The following KLHL1 variants were observed in gnomAD, a reference collection of about 807,000 sequenced individuals.
The protein encoded by KLHL1 is kelch like family member 1, also known as kelch-like protein 1.
In KLHL1, 47 loss-of-function variants were observed where a neutral mutation model predicts 77.7. The observed-to-expected ratio is 0.60, with a 90% CI of 0.48 to 0.77. The LOEUF is 0.77. Among genes scored for constraint, KLHL1 ranks in the 30% least tolerant of loss-of-function variants. The probability of loss-of-function intolerance (pLI) is 0.00; values close to 1 mark genes in which losing one functional copy is unlikely to be tolerated. For missense variants in KLHL1, 925 were observed against 910.8 expected, an observed-to-expected ratio of 1.02 and a Z score of -0.20; for synonymous variants, 360 against 325.2, an observed-to-expected ratio of 1.11 and a Z score of -1.15.
intron 4 of KLHL1, among the ~76,000 whole-genome samples, chr13:69,939,127 C>G (rs1175770969): frequency 1.3e-5 from 2 of 150,638 alleles, no homozygotes; most frequent in East Asian, 3.9e-4. Context: ...TGCCAGGCAC[C>G]CATGCTATTA....
chr13:69,813,503 C>CACACACACACACACACAT (rs34163072), intron 6 of KLHL1, among the ~76,000 whole-genome samples: 11 of 148,838 alleles, frequency 7.4e-5, no homozygotes, highest in African/African-American at 2.2e-4. Flanking sequence ...CACACACACA[C>CACACACACACACACACAT]ATATATATAT....
chr13:70,077,384 C>T (rs773277422), intron 1 of KLHL1, among the ~76,000 whole-genome samples: 1 of 151,604 alleles, frequency 6.6e-6, no homozygotes, highest in African/African-American at 2.4e-5. Context: ...CTATGACTGT[C>T]GCTGTAAGCC....
At chr13:69,740,156 A>C (rs537207257) in intron 8 of KLHL1, among the ~76,000 whole-genome samples, 2 of 152,308 alleles carry the variant, frequency 1.3e-5, no homozygotes, top group South Asian at 4.1e-4. Context: ...TTCAAAAGTG[A>C]TATAAATATT....
intron 1 of KLHL1, among the ~76,000 whole-genome samples, chr13:70,063,491 C>T (rs904446837): frequency 1.3e-5 from 2 of 152,008 alleles, no homozygotes; most frequent in African/African-American, 2.4e-5. Context: ...CACTCATACT[C>T]TAATATGCCA....
chr13:69,945,874 T>A (rs1187786886), intron 3 of KLHL1, among the ~76,000 whole-genome samples: 1 of 152,204 alleles, frequency 6.6e-6, no homozygotes, highest in Non-Finnish European at 1.5e-5. Context: ...TGTACATGAA[T>A]GTTTGCAGAA....
intron 5 of KLHL1, among the ~76,000 whole-genome samples, chr13:69,882,062 T>A (rs1000047300): frequency 3.3e-5 from 5 of 152,174 alleles, no homozygotes; most frequent in African/African-American, 1.2e-4. Context: ...ATTATCATAA[T>A]CTTACAAGTG....
chr13:70,005,523 G>A (rs1885384779), intron 1 of KLHL1, among the ~76,000 whole-genome samples: 1 of 151,422 alleles, frequency 6.6e-6, no homozygotes, highest in Admixed American at 6.6e-5. Flanking sequence ...TATTTTATGA[G>A]CGGCTCAACA....
chr13:69,915,102 C>G (rs1882378901), intron 4 of KLHL1, among the ~76,000 whole-genome samples: 1 of 152,224 alleles, frequency 6.6e-6, no homozygotes, highest in Non-Finnish European at 1.5e-5. Context: ...AGGATACAAA[C>G]AAATGGAAGA....
intron 1 of KLHL1, among the ~76,000 whole-genome samples, chr13:70,097,133 TCCC>T (rs962226307): frequency 1.1e-4 from 17 of 151,954 alleles, no homozygotes; most frequent in African/African-American, 3.9e-4. Flanking sequence ...TTTGAGAACT[TCCC>T]CCCACTATCT....
intron 7 of KLHL1, among the ~76,000 whole-genome samples, chr13:69,757,999 A>G (rs1874843274): frequency 6.6e-6 from 1 of 151,570 alleles, no homozygotes; most frequent in Non-Finnish European, 1.5e-5. Context: ...GGCCATTGCA[A>G]TAACTATCAT....
At chr13:69,826,687 C>T (rs1158726431) in intron 6 of KLHL1, among the ~76,000 whole-genome samples, 2 of 152,072 alleles carry the variant, frequency 1.3e-5, no homozygotes, top group African/African-American at 4.8e-5. Context: ...AGCCATTCCA[C>T]AATATATACA....
At chr13:69,801,638 A>C (rs1441983316) in intron 6 of KLHL1, among the ~76,000 whole-genome samples, 3 of 152,134 alleles carry the variant, frequency 2.0e-5, no homozygotes, top group Admixed American at 6.6e-5. Context: ...TCAAAGGTGA[A>C]TCTCATTCAT....
chr13:69,712,027 A>T (rs115411198), intron 9 of KLHL1, among the ~76,000 whole-genome samples: 2,560 of 152,110 alleles, frequency 0.017, 70 homozygotes, highest in African/African-American at 0.058. Context: ...TCACCTCTTG[A>T]AGAGTTCTTG....
chr13:69,797,962 G>A (rs1015609373), intron 6 of KLHL1, among the ~76,000 whole-genome samples: 1 of 151,974 alleles, frequency 6.6e-6, no homozygotes, highest in Non-Finnish European at 1.5e-5. Context: ...ATAAGTTTGA[G>A]AAATGCAATA....
intron 6 of KLHL1, among the ~76,000 whole-genome samples, chr13:69,800,521 G>T (rs1219958041): frequency 1.3e-5 from 2 of 152,052 alleles, no homozygotes; most frequent in Non-Finnish European, 2.9e-5. Flanking sequence ...CAATACAATT[G>T]ATTTTCTTAT....
chr13:69,903,477 A>T (rs1338834151), intron 4 of KLHL1, among the ~76,000 whole-genome samples: 1 of 128,538 alleles, frequency 7.8e-6, no homozygotes, highest in Admixed American at 8.7e-5. Flanking sequence ...CTGAGTGAGA[A>T]CTTTTGCTAT....
At chr13:69,865,337 G>A (rs888191649) in intron 5 of KLHL1, among the ~76,000 whole-genome samples, 3 of 152,084 alleles carry the variant, frequency 2.0e-5, no homozygotes, top group Admixed American at 2.0e-4. Flanking sequence ...GACTTGTCAT[G>A]TGCTAAACTA....
chr13:70,106,268 C>T (rs887856571), intron 1 of KLHL1, among the ~76,000 whole-genome samples: 2 of 151,830 alleles, frequency 1.3e-5, no homozygotes, highest in African/African-American at 4.8e-5. Context: ...TATATTTCTC[C>T]TGTAGTTCTT....
At chr13:69,833,772 CAT>C (rs1566304602) in intron 6 of KLHL1, among the ~76,000 whole-genome samples, 2,293 of 146,610 alleles carry the variant, frequency 0.016, 55 homozygotes, top group African/African-American at 0.056. Context: ...TATATACATA[CAT>C]ACATACATAT....
Sources: allele counts gnomAD v4.1 joint callset (sites outside exome capture counted in the v4.1 genomes callset), GRCh38; gene constraint gnomAD v4.1.1; transcripts MANE v1.5; gene names NCBI Gene and HGNC (gene_info 2026-07-23, HGNC 2026-07-21).